KLHL2: variants seen among roughly 807,000 people sequenced by gnomAD.
KLHL2 encodes the protein kelch-like protein 2.
In KLHL2, 15 loss-of-function variants were observed where a neutral mutation model predicts 75.8. The ratio of observed to expected loss-of-function variants is 0.20; its 90% CI spans 0.13 to 0.30. KLHL2 has a LOEUF of 0.30. Among genes scored for constraint, KLHL2 ranks in the 10% least tolerant of loss-of-function variants. The probability of loss-of-function intolerance (pLI) is 1.00; values close to 1 mark genes in which losing one functional copy is unlikely to be tolerated. For missense variants in KLHL2, 381 were observed against 741.0 expected, an observed-to-expected ratio of 0.51 and a Z score of 5.64; for synonymous variants, 214 against 251.9, an observed-to-expected ratio of 0.85 and a Z score of 1.42.
chr4:165,304,797 C>A (rs1745600891), intron 8 of KLHL2, among the ~76,000 whole-genome samples: 1 of 152,180 alleles, frequency 6.6e-6, no homozygotes, highest in South Asian at 2.1e-4. Flanking sequence ...TCTTGAGTTA[C>A]TTCATAAGTC....
intron 5 of KLHL2, among the ~76,000 whole-genome samples, 197 bp downstream of exon 5, chr4:165,263,556 C>T (rs1741877361): frequency 1.3e-5 from 2 of 151,616 alleles, no homozygotes; most frequent in African/African-American, 4.8e-5. Context: ...AGCAACTATA[C>T]ATTGGGATTG....
chr4:165,259,649 G>C (rs1273987573), intron 4 of KLHL2, among the ~76,000 whole-genome samples: 1 of 152,188 alleles, frequency 6.6e-6, no homozygotes, highest in Non-Finnish European at 1.5e-5. Flanking sequence ...TAATTACTCA[G>C]TAAATGGAAG....
chr4:165,209,756 G>A lies in KLHL2; in HGVS notation c.26+1854G>A, dbSNP rs116697695. 351 of 172,022 alleles carry A rather than the reference G, an allele frequency of 2.0e-3. 2 individuals carry two copies. The highest frequency in any genetic ancestry group is 7.8e-3 in the African/African-American group (331 of 42,258). The allele number at this position is 172,022 out of a possible 1,614,324, so 10.7% of individuals were successfully genotyped here. A position where few individuals can be genotyped will look rare whatever the true frequency, so the allele number is the denominator to read the frequency against. Reference sequence around the variant, plus strand: ...TTTCAATCAGGGGTGGCTAAAGTTGGTGAGACTTTTTCATTGTTTCTGTCT... The same window carrying A: ...TTTCAATCAGGGGTGGCTAAAGTTGATGAGACTTTTTCATTGTTTCTGTCT... On this transcript the variant is annotated intron_variant, in intron 1 of 14. Coordinates refer to ENST00000226725, the MANE Select transcript of KLHL2 (RefSeq NM_007246.4).
chr4:165,228,391 G>A (rs1319357741), intron 2 of KLHL2, among the ~76,000 whole-genome samples: 1 of 150,756 alleles, frequency 6.6e-6, no homozygotes, highest in East Asian at 1.9e-4. Flanking sequence ...TTTTTGAGAG[G>A]GGATGGGTAT....
chr4:165,317,801 G>A, intron 13 of KLHL2, 25 bp from the exon 14 acceptor site: 3 of 1,586,650 alleles, frequency 1.9e-6, no homozygotes, highest in South Asian at 2.2e-5. Flanking sequence ...TTAAATAATT[G>A]TTTTCTCTCT....
chr4:165,281,595 G>A (rs1344211472), intron 5 of KLHL2, among the ~76,000 whole-genome samples: 7 of 152,284 alleles, frequency 4.6e-5, no homozygotes, highest in South Asian at 2.1e-4. Flanking sequence ...GATTACAGGC[G>A]TGAGCCACCG....
At chr4:165,236,216 G>A (rs1390460971) in intron 3 of KLHL2, among the ~76,000 whole-genome samples, 1 of 152,194 alleles carries the variant, frequency 6.6e-6, no homozygotes, top group Non-Finnish European at 1.5e-5. Context: ...GAGGTTTTTA[G>A]TATAGGTGTT....
chr4:165,216,210 A>G (rs1380636058), intron 1 of KLHL2, among the ~76,000 whole-genome samples: 1 of 152,168 alleles, frequency 6.6e-6, no homozygotes, highest in Non-Finnish European at 1.5e-5. Context: ...GTGTATTCTT[A>G]GGCAGAGTCA....
At chr4:165,299,867 A>G (rs1188607082) in intron 8 of KLHL2, among the ~76,000 whole-genome samples, 1 of 152,170 alleles carries the variant, frequency 6.6e-6, no homozygotes, top group Non-Finnish European at 1.5e-5. Flanking sequence ...TTTAATTTTT[A>G]TAAACTGCAT....
chr4:165,298,705 G>A (rs919294192), intron 7 of KLHL2, among the ~76,000 whole-genome samples: 2 of 152,286 alleles, frequency 1.3e-5, no homozygotes, highest in Non-Finnish European at 2.9e-5. Flanking sequence ...CACTTAGGGA[G>A]GCGGAGGCAG....
At chr4:165,296,518 A>T (rs1417125152) in intron 6 of KLHL2, among the ~76,000 whole-genome samples, 1 of 152,138 alleles carries the variant, frequency 6.6e-6, no homozygotes, top group African/African-American at 2.4e-5. Context: ...TTCAGTGTGG[A>T]GGGTTACTAT....
intron 3 of KLHL2, 59 bp from the exon 4 acceptor site, chr4:165,238,719 A>C: frequency 6.2e-7 from 1 of 1,607,440 alleles, no homozygotes; most frequent in Non-Finnish European, 8.5e-7. Flanking sequence ...CTACATTGGC[A>C]TTGGAACTTC....
At chr4:165,302,873 C>T (rs752265546) in intron 8 of KLHL2, among the ~76,000 whole-genome samples, 1 of 152,152 alleles carries the variant, frequency 6.6e-6, no homozygotes, top group Non-Finnish European at 1.5e-5. Context: ...ACCCCTTGCC[C>T]TCTTCAAATA....
chr4:165,218,642 A>G (rs1382031498), intron 1 of KLHL2, among the ~76,000 whole-genome samples: 1 of 152,114 alleles, frequency 6.6e-6, no homozygotes, highest in Non-Finnish European at 1.5e-5. Flanking sequence ...TCCAAGCTCT[A>G]TGAGGACAGG....
At position 165,279,801 on chromosome 4, in the gene KLHL2, C is replaced by G. The variant is rs1347559004; in HGVS notation, c.545-14558C>G. ...TGGCTGGCTAGCAGGCTACTGCGTTCTCTCTGCAGCTCATTTTCTGTCTTG... is the reference window on the plus strand; with the variant it reads ...TGGCTGGCTAGCAGGCTACTGCGTTGTCTCTGCAGCTCATTTTCTGTCTTG... On this transcript the variant is annotated intron_variant, in intron 5 of 14. Coordinates refer to ENST00000226725, the MANE Select transcript of KLHL2 (RefSeq NM_007246.4). The G allele has an allele frequency of 7.2e-6, 5 of 695,830 alleles. No homozygotes were observed. The Admixed American group carries it at 8.7e-5, about 12-fold the overall frequency. The allele number at this position is 695,830 out of a possible 1,614,324, so 43.1% of individuals were successfully genotyped here. A position where few individuals can be genotyped will look rare whatever the true frequency, so the allele number is the denominator to read the frequency against.
At chr4:165,216,052 G>T (rs952285266) in intron 1 of KLHL2, among the ~76,000 whole-genome samples, 1 of 152,138 alleles carries the variant, frequency 6.6e-6, no homozygotes, top group Non-Finnish European at 1.5e-5. Context: ...AATATCTAAA[G>T]AAGTTTTACT....
chr4:165,311,679 A>G (rs1052461639), intron 11 of KLHL2, 114 bp downstream of exon 11: 2 of 731,414 alleles, frequency 2.7e-6, no homozygotes, highest in Non-Finnish European at 4.7e-6. Flanking sequence ...CATTTTAAAA[A>G]GAAAAGTCGT....
chr4:165,261,367 GTCTC>G (rs1412638240), intron 4 of KLHL2, among the ~76,000 whole-genome samples: 1 of 152,098 alleles, frequency 6.6e-6, no homozygotes, highest in Non-Finnish European at 1.5e-5. Flanking sequence ...TTGAGACGGA[GTCTC>G]TCTCTGTCAC....
intron 4 of KLHL2, among the ~76,000 whole-genome samples, chr4:165,254,425 A>G (rs1345305058): frequency 6.6e-6 from 1 of 151,644 alleles, no homozygotes; most frequent in African/African-American, 2.4e-5. Context: ...TCATTTACGT[A>G]TCTTATTCCA....
Sources: gnomAD v4.1 joint callset for allele counts (sites outside exome capture counted in the v4.1 genomes callset) on GRCh38, gnomAD v4.1.1 for gene constraint, MANE v1.5 for transcripts, NCBI Gene and HGNC (gene_info 2026-07-23, HGNC 2026-07-21) for gene names.